The following SUGCT variants were observed in gnomAD, a reference collection of about 807,000 sequenced individuals.
The protein encoded by SUGCT is succinyl-CoA:glutarate-CoA transferase.
Under a neutral mutation model 55.0 loss-of-function variants are expected in SUGCT, and 41 were observed. That is an observed-to-expected ratio of 0.74 (90% CI 0.58 to 0.97). The LOEUF (loss-of-function observed/expected upper bound fraction) is 0.97, where lower values mean the gene tolerates loss of function less well. SUGCT is among the 50% of genes least tolerant of loss of function. The pLI, the probability that SUGCT is intolerant of heterozygous loss-of-function variation, is 0.00. For missense variants in SUGCT, 568 were observed against 547.8 expected (o/e 1.04, Z -0.37); for synonymous variants, 187 against 200.4 (o/e 0.93, Z 0.56).
intron 9 of SUGCT, among the ~76,000 whole-genome samples, chr7:40,448,948 G>GTATATA (rs773686381): frequency 4.8e-4 from 69 of 143,980 alleles, no homozygotes; most frequent in African/African-American, 1.7e-3. Context: ...GTGTGTGTGT[G>GTATATA]TGTATATATA....
Position 40,477,519 on chromosome 7 carries a change from T to C in SUGCT, c.986+18321T>C, listed in dbSNP as rs746408167. 1.8e-4 allele frequency among the ~76,000 whole-genome samples: 27 copies of C among 152,208 alleles called. 1 individual carries two copies. Among genetic ancestry groups the C allele is most frequent in the Non-Finnish European group, 3.5e-4 (24 of 68,042 alleles). ...CAAAATTTATTCTACCTTTGGAATC[T>C]TTTGGAATAAAAAATAACATTTTCT... On this transcript the variant is annotated intron_variant, in intron 11 of 13. Coordinates refer to ENST00000335693, the MANE Select transcript of SUGCT (RefSeq NM_001193313.2).
At chr7:40,249,337 ATATAT>A (rs1562612215) in intron 7 of SUGCT, among the ~76,000 whole-genome samples, 1 of 113,686 alleles carries the variant, frequency 8.8e-6, no homozygotes, top group Non-Finnish European at 2.0e-5. Flanking sequence ...ATATATATAT[ATATAT>A]ATATAATTAT....
At chr7:40,388,190 G>A (rs987758061) in intron 9 of SUGCT, 9 of 152,074 alleles carry the variant, frequency 5.9e-5, no homozygotes, top group African/African-American at 1.9e-4. Context: ...TGAGTACAGA[G>A]CCTACACCTG....
the SUGCT span, among the ~76,000 whole-genome samples, chr7:40,961,038 A>G: frequency 6.6e-5 from 10 of 152,368 alleles, no homozygotes; most frequent in Admixed American, 4.6e-4. Context: ...ACAAAATACT[A>G]TGCACATACA....
At chr7:40,942,016 T>C in the SUGCT span, among the ~76,000 whole-genome samples, 2,369 of 152,216 alleles carry the variant, frequency 0.016, 59 homozygotes, top group African/African-American at 0.052. Flanking sequence ...TTTTTATCCA[T>C]TCTGCCAATC....
chr7:40,646,248 G>C (rs552304570), intron 12 of SUGCT, among the ~76,000 whole-genome samples: 1 of 152,058 alleles, frequency 6.6e-6, no homozygotes, highest in African/African-American at 2.4e-5. Context: ...TCAAGGCCCC[G>C]TTATGCTTCA....
At chr7:40,757,685 G>C (rs1788325678) in intron 13 of SUGCT, among the ~76,000 whole-genome samples, 1 of 152,070 alleles carries the variant, frequency 6.6e-6, no homozygotes, top group Non-Finnish European at 1.5e-5. Flanking sequence ...TGAGATTAGA[G>C]GTATGTTTTA....
At chr7:40,556,935 T>C (rs1163244949) in intron 12 of SUGCT, among the ~76,000 whole-genome samples, 1 of 152,198 alleles carries the variant, frequency 6.6e-6, no homozygotes, top group African/African-American at 2.4e-5. Flanking sequence ...ATTCTACTAC[T>C]CAAGGCGATC....
At chr7:40,321,078 C>CTTTCT (rs1562677633) in intron 9 of SUGCT, among the ~76,000 whole-genome samples, 57 of 138,206 alleles carry the variant, frequency 4.1e-4, no homozygotes, top group African/African-American at 1.5e-3. Context: ...TTCTTTCTTT[C>CTTTCT]TTTTTTTTTT....
chr7:40,612,830 C>A (rs965166446), intron 12 of SUGCT, among the ~76,000 whole-genome samples: 1 of 152,102 alleles, frequency 6.6e-6, no homozygotes, highest in Non-Finnish European at 1.5e-5. Context: ...ATTTTAAAGT[C>A]ACTGCTTAAA....
chr7:40,987,480 C>A, the SUGCT span, among the ~76,000 whole-genome samples: 1,298 of 152,208 alleles, frequency 8.5e-3, 4 homozygotes, highest in Admixed American at 0.013. Context: ...TACATATACT[C>A]CCACCCTTTC....
intron 12 of SUGCT, among the ~76,000 whole-genome samples, chr7:40,697,889 AGC>A (rs1432980578): frequency 6.6e-6 from 1 of 152,238 alleles, no homozygotes; most frequent in Non-Finnish European, 1.5e-5. Flanking sequence ...GCAATGTGCC[AGC>A]CACGTGCAGG....
intron 9 of SUGCT, among the ~76,000 whole-genome samples, chr7:40,364,550 ATTT>A (rs1208787626): frequency 1.3e-5 from 2 of 152,088 alleles, no homozygotes; most frequent in African/African-American, 4.8e-5. Flanking sequence ...TCTGTAAAGT[ATTT>A]TATTTCTCCT....
intron 12 of SUGCT, among the ~76,000 whole-genome samples, chr7:40,749,148 T>C (rs12532716): frequency 0.014 from 2,062 of 152,252 alleles, 144 homozygotes; most frequent in East Asian, 0.094. Flanking sequence ...AGAGAGGAAA[T>C]CATCTGCTAT....
At chr7:40,891,566 A>G in the SUGCT span, among the ~76,000 whole-genome samples, 3 of 152,188 alleles carry the variant, frequency 2.0e-5, no homozygotes, top group Non-Finnish European at 2.9e-5. Context: ...ATACCCAGCA[A>G]AGCCATTCTT....
rs541423572 is a variant in SUGCT, at chr7:40,216,146, A to C, written c.484+21086A>C. Among the ~76,000 whole-genome samples, 8 of 151,720 alleles carry C rather than the reference A, an allele frequency of 5.3e-5. No individual in the cohort carries two copies. The South Asian group carries it at 1.7e-3, about 32-fold the overall frequency. ...TTTTTAACTTGTTTTGGGAAATAAA[A>C]GGTGCTTTAAAAAGAATTTTCTTCA... On this transcript the variant is annotated intron_variant, in intron 6 of 13. Coordinates refer to ENST00000335693, the MANE Select transcript of SUGCT (RefSeq NM_001193313.2).
intron 12 of SUGCT, among the ~76,000 whole-genome samples, chr7:40,662,534 C>T (rs1443540655): frequency 6.6e-6 from 1 of 152,218 alleles, no homozygotes; most frequent in Admixed American, 6.5e-5. Flanking sequence ...CCACATTGGC[C>T]TTCCTTTTGG....
chr7:40,333,012 T>A (rs1796414879), intron 9 of SUGCT, among the ~76,000 whole-genome samples: 1 of 152,112 alleles, frequency 6.6e-6, no homozygotes, highest in Non-Finnish European at 1.5e-5. Flanking sequence ...CCCCAAGTAT[T>A]TATATGCATA....
At chr7:40,570,357 C>G (rs564817409) in intron 12 of SUGCT, among the ~76,000 whole-genome samples, 1 of 152,124 alleles carries the variant, frequency 6.6e-6, no homozygotes, top group African/African-American at 2.4e-5. Context: ...GAAGGCCCAG[C>G]CATGTTGAGA....
Sources: gnomAD v4.1 joint callset for allele counts (sites outside exome capture counted in the v4.1 genomes callset) on GRCh38, gnomAD v4.1.1 for gene constraint, MANE v1.5 for transcripts, NCBI Gene and HGNC (gene_info 2026-07-23, HGNC 2026-07-21) for gene names.